Variants in SKIL observed in about 807,000 individuals in gnomAD.
The protein encoded by SKIL is SKI like proto-oncogene, also known as ski-like protein.
In SKIL, 20 loss-of-function variants were observed where a neutral mutation model predicts 69.6. The observed-to-expected ratio is 0.29, with a 90% CI of 0.20 to 0.42. SKIL has a LOEUF of 0.42. Ranked by LOEUF, SKIL falls within the 10% of genes least tolerant of loss-of-function variation. The pLI, the probability that SKIL is intolerant of heterozygous loss-of-function variation, is 1.00. For synonymous variants in SKIL, 310 were observed against 279.9 expected (o/e 1.11, Z -1.08); for missense variants, 745 against 783.1 (o/e 0.95, Z 0.58).
At position 170,360,331 on chromosome 3, in the gene SKIL, C is replaced by G; in HGVS notation, c.-1C>G. 6.5e-7 allele frequency: 1 copy of G among 1,546,924 alleles called. No individual in the cohort carries two copies. The highest frequency in any genetic ancestry group is 8.7e-7 in the Non-Finnish European group (1 of 1,152,198). On this transcript the variant is annotated 5_prime_UTR_variant, in exon 2 of 7. Coordinates refer to ENST00000259119, the MANE Select transcript of SKIL (RefSeq NM_005414.5). ...TTAATTATTTAACAGAAGAGTGTAC[C>G]ATGGAAAACCTCCAGACAAATTTCT...
Position 170,393,693 on chromosome 3 carries a change from C to T in SKIL, c.*1276C>T, listed in dbSNP as rs1738040636. ...TTAGATCTGTTTTTAAAGGGAGTTT[C>T]CTGAAACTATCATTAATTGACATTA... On this transcript the variant is annotated 3_prime_UTR_variant, in exon 7 of 7. Transcript: ENST00000259119. 1 of 151,844 alleles carries T rather than the reference C, an allele frequency of 6.6e-6. No individual in the cohort carries two copies. Among genetic ancestry groups the T allele is most frequent in the Non-Finnish European group, 1.5e-5 (1 of 67,946 alleles). 9.4% of individuals were successfully genotyped at this position (151,844 alleles called of 1,614,324 possible).
In SKIL at chr3:170,360,684, C is replaced by T. The variant is rs1736180581; in HGVS notation, c.353C>T (p.Pro118Leu). The T allele has an allele frequency of 1.2e-6, 2 of 1,614,196 alleles. No homozygotes were observed. The highest frequency in any genetic ancestry group is 2.2e-5 in the South Asian group (2 of 91,076). Reference protein sequence around the residue: ...SARHSQESMSPTVFLPLPSPQ... With the variant: ...SARHSQESMSLTVFLPLPSPQ... ...CGGCATTCCCAAGAAAGCATGTCGCCTACTGTATTTCTGCCTCTTCCATCA... is the reference window on the plus strand; with the variant it reads ...CGGCATTCCCAAGAAAGCATGTCGCTTACTGTATTTCTGCCTCTTCCATCA... The change falls in exon 2 of 7, where the codon CCT (proline) becomes CTT (leucine). Residue 118 changes from proline (P) to leucine (L), a missense_variant. Coordinates refer to ENST00000259119, the MANE Select transcript of SKIL (RefSeq NM_005414.5).
chr3:170,375,081 A>G (rs940149631), intron 2 of SKIL, among the ~76,000 whole-genome samples: 9 of 152,218 alleles, frequency 5.9e-5, no homozygotes, highest in African/African-American at 1.9e-4. Context: ...TAAAAATACA[A>G]AGGTAAGGCT....
At chr3:170,391,294 C>T in intron 6 of SKIL, 34 bp downstream of exon 6, 2 of 1,207,960 alleles carry the variant, frequency 1.7e-6, no homozygotes, top group Non-Finnish European at 2.4e-6. Flanking sequence ...GGTGCCCTTT[C>T]AGCATGGAAA....
chr3:170,366,688 C>CACAGACACACAG (rs1553852227), intron 2 of SKIL, among the ~76,000 whole-genome samples: 1 of 140,766 alleles, frequency 7.1e-6, no homozygotes, highest in African/African-American at 2.8e-5. Context: ...CACACACACA[C>CACAGACACACAG]ACACACAGAC....
chr3:170,377,906 A>G (rs904531760), intron 2 of SKIL, among the ~76,000 whole-genome samples: 1 of 128,036 alleles, frequency 7.8e-6, no homozygotes, highest in Non-Finnish European at 1.7e-5. Flanking sequence ...TTCTTTTTTT[A>G]TTTTTGAGAC....
chr3:170,381,211 C>A, intron 2 of SKIL, 33 bp from the exon 3 acceptor site: 2 of 1,170,266 alleles, frequency 1.7e-6, no homozygotes, highest in Non-Finnish European at 2.6e-6. Flanking sequence ...AGTTTTACTT[C>A]AATAAATGTT....
intron 2 of SKIL, among the ~76,000 whole-genome samples, chr3:170,373,370 G>A (rs1216456818): frequency 6.6e-6 from 1 of 151,516 alleles, no homozygotes; most frequent in Non-Finnish European, 1.5e-5. Context: ...GTAGAGACAG[G>A]GTTTCACCAT....
intron 4 of SKIL, among the ~76,000 whole-genome samples, chr3:170,389,437 C>A (rs1393862909): frequency 6.6e-6 from 1 of 151,860 alleles, no homozygotes; most frequent in Non-Finnish European, 1.5e-5. Context: ...CCTCAGCCTC[C>A]CGAGTAGCTG....
chr3:170,362,495 C>T (rs1313972760), intron 2 of SKIL, among the ~76,000 whole-genome samples: 1 of 149,140 alleles, frequency 6.7e-6, no homozygotes, highest in Non-Finnish European at 1.5e-5. Flanking sequence ...AGGGAAACTC[C>T]ATCAAAAAAC....
At chr3:170,380,833 T>A (rs1182773381) in intron 2 of SKIL, among the ~76,000 whole-genome samples, 1 of 151,958 alleles carries the variant, frequency 6.6e-6, no homozygotes, top group African/African-American at 2.4e-5. Flanking sequence ...GGAAGATGAC[T>A]CTTGAGACAG....
chr3:170,360,759 AACTC>A lies in SKIL; in HGVS notation c.434_437del (p.Thr145ArgfsTer26). 1 of 1,614,142 alleles carries A rather than the reference AACTC, an allele frequency of 6.2e-7. No individual in the cohort carries two copies. The highest frequency in any genetic ancestry group is 8.5e-7 in the Non-Finnish European group (1 of 1,180,028). Reference sequence around the variant, plus strand: ...CTCATCCCTTCAGATAGCTCCACAGAACTCACTCAGACTGTGTTGGAAGGGGAAT... The same window carrying A: ...CTCATCCCTTCAGATAGCTCCACAGAACTCAGACTGTGTTGGAAGGGGAAT... On this transcript the variant is annotated frameshift_variant, in exon 2 of 7. Coordinates refer to ENST00000259119, the MANE Select transcript of SKIL (RefSeq NM_005414.5). LOFTEE classifies it high-confidence loss of function.
intron 3 of SKIL, among the ~76,000 whole-genome samples, chr3:170,382,577 A>G (rs1386062483): frequency 6.6e-6 from 1 of 151,108 alleles, no homozygotes; most frequent in Non-Finnish European, 1.5e-5. Context: ...CTCCTGGCTA[A>G]TTTTTTTGTA....
intron 2 of SKIL, among the ~76,000 whole-genome samples, chr3:170,369,923 CAA>C (rs1464758551): frequency 6.6e-6 from 1 of 152,096 alleles, no homozygotes; most frequent in Non-Finnish European, 1.5e-5. Context: ...AATATATAAA[CAA>C]TGCATCTTGT....
At chr3:170,383,132 A>G (rs751162630) in intron 3 of SKIL, among the ~76,000 whole-genome samples, 1 of 152,160 alleles carries the variant, frequency 6.6e-6, no homozygotes, top group African/African-American at 2.4e-5. Context: ...CCTAGATTGT[A>G]AGTTTTTTGT....
intron 6 of SKIL, among the ~76,000 whole-genome samples, chr3:170,391,803 C>T (rs1387057549): frequency 6.7e-6 from 1 of 149,090 alleles, no homozygotes; most frequent in East Asian, 2.0e-4. Context: ...ACCTAAATTG[C>T]TAATCTCTAG....
rs78748357 is a variant in SKIL, at chr3:170,371,008, A to G, written c.1098+9579A>G. ...ATGATTTAAGACTTCTATGCTTTTT[A>G]TAGTCTATGTTAAATTTTTTTGTGT... On this transcript the variant is annotated intron_variant, in intron 2 of 6. Transcript: ENST00000259119. Among the ~76,000 whole-genome samples, 118 of 152,338 alleles carry G rather than the reference A, an allele frequency of 7.7e-4. 2 individuals are homozygous for G. The East Asian group carries it at 0.017, about 22-fold the overall frequency.
rs1380042288 is a variant in SKIL, at chr3:170,394,775, C to T, written c.*2358C>T. 2 of 152,008 alleles carry T rather than the reference C, an allele frequency of 1.3e-5. No individual in the cohort carries two copies. The highest frequency in any genetic ancestry group is 1.9e-4 in the East Asian group (1 of 5,202). The allele number at this position is 152,008 out of a possible 1,614,324, so 9.4% of individuals were successfully genotyped here. A position where few individuals can be genotyped will look rare whatever the true frequency, so the allele number is the denominator to read the frequency against. ...GTTTTTTAAGTCAATTGTAAATATA[C>T]GTATTATTGTTAAAAGTAACTTTAA... On this transcript the variant is annotated 3_prime_UTR_variant, in exon 7 of 7. Transcript: ENST00000259119.
At chr3:170,390,116 C>T (rs1369724039) in intron 4 of SKIL, 107 bp from the exon 5 acceptor site, 1 of 784,832 alleles carries the variant, frequency 1.3e-6, no homozygotes, top group Non-Finnish European at 2.0e-6. Context: ...TTGTTTTGGT[C>T]TAATTTATAA....
Sources: allele counts gnomAD v4.1 joint callset (sites outside exome capture counted in the v4.1 genomes callset), GRCh38; gene constraint gnomAD v4.1.1; transcripts MANE v1.5; gene names NCBI Gene and HGNC (gene_info 2026-07-23, HGNC 2026-07-21).